Variants in COP1 observed in about 807,000 individuals in gnomAD.
COP1 encodes the protein COP1 E3 ubiquitin ligase.
In COP1, 24 loss-of-function variants were observed where a neutral mutation model predicts 101.3. The observed-to-expected ratio is 0.24, with a 90% CI of 0.17 to 0.33. COP1 has a LOEUF of 0.33. Among genes scored for constraint, COP1 ranks in the 10% least tolerant of loss-of-function variants. COP1 has a pLI of 1.00. For missense variants in COP1, 663 were observed against 906.2 expected (o/e 0.73, Z 3.45); for synonymous variants, 347 against 341.9 (o/e 1.01, Z -0.17).
chr1:176,174,148 G>A (rs1331350969), intron 3 of COP1, among the ~76,000 whole-genome samples: 1 of 152,000 alleles, frequency 6.6e-6, no homozygotes, highest in Non-Finnish European at 1.5e-5. Context: ...ACTAAGGAAT[G>A]TTGCCTGAAA....
chr1:176,159,549 G>C (rs754672286), intron 5 of COP1, among the ~76,000 whole-genome samples: 1 of 152,032 alleles, frequency 6.6e-6, no homozygotes, highest in Admixed American at 6.6e-5. Context: ...ACACAACTAA[G>C]AATTGAGAAG....
chr1:176,084,392 AG>A (rs1220109637), intron 10 of COP1, among the ~76,000 whole-genome samples: 2 of 152,244 alleles, frequency 1.3e-5, no homozygotes, highest in African/African-American at 4.8e-5. Context: ...GCCCATGGAT[AG>A]GAAGAATCAA....
intron 14 of COP1, among the ~76,000 whole-genome samples, chr1:176,029,394 T>C (rs576041578): frequency 6.6e-6 from 1 of 152,120 alleles, no homozygotes; most frequent in Admixed American, 6.5e-5. Context: ...AGAAAATGAG[T>C]TGCCATTTTA....
chr1:176,061,608 A>G (rs1296227252), intron 11 of COP1, among the ~76,000 whole-genome samples: 1 of 152,226 alleles, frequency 6.6e-6, no homozygotes, highest in East Asian at 1.9e-4. Context: ...CCTGGGCAGC[A>G]AGAGTGAAAC....
chr1:176,107,662 A>G (rs968449932), intron 9 of COP1, among the ~76,000 whole-genome samples: 1 of 152,200 alleles, frequency 6.6e-6, no homozygotes, highest in African/African-American at 2.4e-5. Flanking sequence ...TTATTATTAT[A>G]AGTAAGATAC....
chr1:176,069,259 C>A (rs933667027), intron 11 of COP1, among the ~76,000 whole-genome samples: 2 of 151,784 alleles, frequency 1.3e-5, no homozygotes, highest in Admixed American at 6.6e-5. Context: ...CATAATGAAG[C>A]AATAAAAGTA....
intron 11 of COP1, among the ~76,000 whole-genome samples, chr1:176,052,804 T>C (rs1182716758): frequency 6.6e-6 from 1 of 152,162 alleles, no homozygotes; most frequent in South Asian, 2.1e-4. Context: ...ATTAAACATA[T>C]GAGATGACAT....
intron 15 of COP1, among the ~76,000 whole-genome samples, chr1:176,019,102 G>A (rs1666203479): frequency 1.3e-5 from 2 of 151,766 alleles, no homozygotes; most frequent in African/African-American, 4.8e-5. Context: ...GGAGGCAGAC[G>A]CTGCAGTGAG....
At chr1:176,143,312 T>C (rs1041070209) in intron 6 of COP1, among the ~76,000 whole-genome samples, 1 of 152,216 alleles carries the variant, frequency 6.6e-6, no homozygotes, top group East Asian at 1.9e-4. Context: ...AAAAGTGACA[T>C]CTAAAACAAA....
intron 5 of COP1, among the ~76,000 whole-genome samples, chr1:176,158,088 C>T (rs912093879): frequency 2.7e-5 from 4 of 150,880 alleles, no homozygotes; most frequent in African/African-American, 9.7e-5. Context: ...ACAAAAAACA[C>T]AAAGGGGGAA....
chr1:176,078,629 A>C (rs942265676), intron 11 of COP1, among the ~76,000 whole-genome samples: 5 of 151,636 alleles, frequency 3.3e-5, no homozygotes, highest in African/African-American at 9.7e-5. Flanking sequence ...AAAAAAAAAA[A>C]CAAAAATTGA....
At chr1:176,022,865 A>G (rs1302909435) in intron 15 of COP1, among the ~76,000 whole-genome samples, 4 of 152,350 alleles carry the variant, frequency 2.6e-5, no homozygotes, top group South Asian at 4.1e-4. Context: ...CCTTGCATTT[A>G]TGCTTCTAGA....
chr1:176,158,627 GTTC>G (rs1693827804), intron 5 of COP1, among the ~76,000 whole-genome samples: 2 of 131,792 alleles, frequency 1.5e-5, no homozygotes, highest in African/African-American at 2.9e-5. Context: ...TGTTTTTAAG[GTTC>G]TTTTTTTTTT....
intron 14 of COP1, among the ~76,000 whole-genome samples, chr1:176,039,882 G>A (rs868106679): frequency 1.3e-5 from 2 of 152,130 alleles, no homozygotes; most frequent in Non-Finnish European, 2.9e-5. Context: ...AAGGTGGATC[G>A]TTAACATCAT....
In COP1 at chr1:176,123,463, G is replaced by A. The variant is rs979760028; in HGVS notation, c.969-6782C>T. ...CAAAGTATATCTATAATAATTAAAG[G>A]GGAAAAGAGTTTCCTATGTGACTCT... is the stretch of plus-strand genomic sequence containing the variant. On this transcript the variant is annotated intron_variant, in intron 8 of 19. Coordinates refer to ENST00000367669, the MANE Select transcript of COP1 (RefSeq NM_022457.7). Among the ~76,000 whole-genome samples, 10 of 152,104 alleles carry A rather than the reference G, an allele frequency of 6.6e-5. 1 individual carries two copies. In the Middle Eastern group the frequency reaches 0.01, roughly 155 times the overall value.
intron 3 of COP1, among the ~76,000 whole-genome samples, chr1:176,166,236 C>T (rs1294498002): frequency 1.3e-5 from 2 of 152,160 alleles, no homozygotes; most frequent in African/African-American, 4.8e-5. Flanking sequence ...AAGCCATCCT[C>T]CCATCTCAGC....
At chr1:176,071,257 T>C (rs112154296) in intron 11 of COP1, among the ~76,000 whole-genome samples, 2,904 of 152,208 alleles carry the variant, frequency 0.019, 93 homozygotes, top group African/African-American at 0.066. Context: ...CCTTTAGCTA[T>C]GTGACTTGCC....
chr1:176,141,772 C>G (rs1022452190), intron 6 of COP1, among the ~76,000 whole-genome samples: 1 of 151,262 alleles, frequency 6.6e-6, no homozygotes, highest in African/African-American at 2.4e-5. Context: ...ATTTTGTCAC[C>G]CAGGCTGGAG....
intron 5 of COP1, among the ~76,000 whole-genome samples, chr1:176,158,360 C>T (rs1429913853): frequency 1.3e-5 from 2 of 151,984 alleles, no homozygotes; most frequent in Non-Finnish European, 2.9e-5. Flanking sequence ...AATAATTCGC[C>T]TCTCGCCGTC....
Sources: allele counts gnomAD v4.1 joint callset (sites outside exome capture counted in the v4.1 genomes callset), GRCh38; gene constraint gnomAD v4.1.1; transcripts MANE v1.5; gene names NCBI Gene and HGNC (gene_info 2026-07-23, HGNC 2026-07-21).